Variants in MAGI1 observed in about 807,000 individuals in gnomAD.
MAGI1 encodes membrane associated guanylate kinase, WW and PDZ domain containing 1, also known as membrane-associated guanylate kinase, WW and PDZ domain-containing protein 1.
A neutral mutation model predicts 139.9 loss-of-function variants in MAGI1; 58 were observed. The ratio of observed to expected loss-of-function variants is 0.41; its 90% CI spans 0.34 to 0.52. The LOEUF (loss-of-function observed/expected upper bound fraction) is 0.52, where lower values mean the gene tolerates loss of function less well. Among genes scored for constraint, MAGI1 ranks in the 20% least tolerant of loss-of-function variants. The pLI is 0.12. For synonymous variants in MAGI1, 812 were observed against 737.9 expected (o/e 1.10, Z -1.63); for missense variants, 1,874 against 1,901.6 (o/e 0.99, Z 0.27).
At chr3:65,785,814 C>T (rs1246745499) in intron 1 of MAGI1, among the ~76,000 whole-genome samples, 1 of 152,312 alleles carries the variant, frequency 6.6e-6, no homozygotes, top group East Asian at 1.9e-4. Flanking sequence ...CCAAACATCA[C>T]AATCATTTCA....
At chr3:65,852,319 C>T (rs1021534) in intron 1 of MAGI1, among the ~76,000 whole-genome samples, 7,221 of 151,802 alleles carry the variant, frequency 0.048, 570 homozygotes, top group African/African-American at 0.16. Flanking sequence ...TTTTGAGCCT[C>T]CCCAGAAAGG....
intron 2 of MAGI1, among the ~76,000 whole-genome samples, chr3:65,613,829 T>C (rs1420620809): frequency 1.3e-5 from 2 of 152,132 alleles, no homozygotes; most frequent in African/African-American, 4.8e-5. Flanking sequence ...TTTTTAAAAC[T>C]TAGCTTGTTT....
chr3:65,665,735 A>T (rs1220560913), intron 1 of MAGI1, among the ~76,000 whole-genome samples: 1 of 152,156 alleles, frequency 6.6e-6, no homozygotes. Context: ...TCACTCTTGG[A>T]ACATTTCCTG....
chr3:65,400,037 T>C (rs1234301531), intron 13 of MAGI1, among the ~76,000 whole-genome samples: 2 of 152,160 alleles, frequency 1.3e-5, no homozygotes, highest in Non-Finnish European at 2.9e-5. Flanking sequence ...GGGTTCGTGC[T>C]AACTCAAGCT....
Position 66,038,799 on chromosome 3 carries a change from G to C in MAGI1, c.-491C>G, listed in dbSNP as rs1239575458. 1.1e-4 allele frequency: 17 copies of C among 156,762 alleles called. No individual in the cohort carries two copies. Among genetic ancestry groups the C allele is most frequent in the Admixed American group, 1.1e-3 (17 of 15,950 alleles). The allele number at this position is 156,762 out of a possible 1,614,324, so 9.7% of individuals were successfully genotyped here. On this transcript the variant is annotated 5_prime_UTR_variant, in exon 1 of 23. Coordinates refer to ENST00000402939, the MANE Select transcript of MAGI1 (RefSeq NM_001033057.2). ...CGGTGGCGGGGCGGCGGGGAGCAGG[G>C]CGGGAGGTAAGTGCTCGCGGCCCCT...
At chr3:65,890,610 A>T (rs1414906232) in intron 1 of MAGI1, among the ~76,000 whole-genome samples, 1 of 152,200 alleles carries the variant, frequency 6.6e-6, no homozygotes, top group Non-Finnish European at 1.5e-5. Context: ...ATCCAACGCA[A>T]ACACTTCTTT....
chr3:65,638,900 C>A (rs570348822), intron 1 of MAGI1, among the ~76,000 whole-genome samples: 2 of 152,004 alleles, frequency 1.3e-5, no homozygotes, highest in Non-Finnish European at 2.9e-5. Context: ...AGCCACCAGG[C>A]GTGGCCGTGG....
intron 1 of MAGI1, among the ~76,000 whole-genome samples, chr3:65,993,021 G>A (rs546569502): frequency 6.6e-6 from 1 of 151,840 alleles, no homozygotes; most frequent in Non-Finnish European, 1.5e-5. Context: ...AGTAGAGGCA[G>A]GGTCTCACTA....
At chr3:65,976,394 CGGA>C in intron 1 of MAGI1, among the ~76,000 whole-genome samples, 1 of 152,006 alleles carries the variant, frequency 6.6e-6, no homozygotes. Flanking sequence ...TGTGGGGAGA[CGGA>C]GGAGGGTGGA....
chr3:65,382,220 T>C (rs1246994142), intron 15 of MAGI1, 151 bp from the exon 16 acceptor site: 1 of 584,562 alleles, frequency 1.7e-6, no homozygotes, highest in Non-Finnish European at 2.9e-6. Context: ...CAAGACATTG[T>C]GCTAAGCACT....
chr3:65,647,956 G>C (rs2085355273), intron 1 of MAGI1, among the ~76,000 whole-genome samples: 1 of 152,116 alleles, frequency 6.6e-6, no homozygotes, highest in Non-Finnish European at 1.5e-5. Context: ...TGGCAAAAAA[G>C]AGCCAGAAAA....
At chr3:65,736,897 C>T (rs1425360805) in intron 1 of MAGI1, among the ~76,000 whole-genome samples, 1 of 152,184 alleles carries the variant, frequency 6.6e-6, no homozygotes, top group Non-Finnish European at 1.5e-5. Context: ...CAAAATTAAC[C>T]ATCTCACTAT....
intron 1 of MAGI1, among the ~76,000 whole-genome samples, chr3:65,978,621 C>CTTTTTTTTTTTTTTTTTTTTTTTTTTTTT (rs373662388): frequency 7.7e-6 from 1 of 129,172 alleles, no homozygotes; most frequent in Non-Finnish European, 1.6e-5. Flanking sequence ...CTCAAAATTT[C>CTTTTTTTTTTTTTTTTTTTTTTTTTTTTT]TTTTTTTTTT....
chr3:65,703,972 GT>G (rs1368323677), intron 1 of MAGI1, among the ~76,000 whole-genome samples: 4 of 152,130 alleles, frequency 2.6e-5, no homozygotes, highest in Non-Finnish European at 4.4e-5. Flanking sequence ...AATTCAGTGA[GT>G]TTTTTTGGGA....
At position 65,966,304 on chromosome 3, in the gene MAGI1, C is replaced by T. The variant is rs80126761; in HGVS notation, c.313+71692G>A. On this transcript the variant is annotated intron_variant, in intron 1 of 22. Coordinates refer to ENST00000402939, the MANE Select transcript of MAGI1 (RefSeq NM_001033057.2). ...TACTAATGGAAGGGACAGTATTTTA[C>T]CAAACTACAAAAAACAGCAAGGTGT... Among the ~76,000 whole-genome samples the T allele has an allele frequency of 1.4e-3, 206 of 152,186 alleles. 5 individuals carry two copies. The East Asian group carries it at 0.036, about 27-fold the overall frequency.
At chr3:65,398,106 T>A (rs993118468) in intron 13 of MAGI1, among the ~76,000 whole-genome samples, 11 of 152,186 alleles carry the variant, frequency 7.2e-5, no homozygotes, top group African/African-American at 2.2e-4. Flanking sequence ...TTATAGTATT[T>A]CCAGTGCTTC....
intron 2 of MAGI1, among the ~76,000 whole-genome samples, chr3:65,546,014 A>G (rs1917529): frequency 6.6e-6 from 1 of 151,240 alleles, no homozygotes; most frequent in African/African-American, 2.4e-5. Context: ...ACACACACAC[A>G]CTCTCAAACT....
intron 1 of MAGI1, among the ~76,000 whole-genome samples, chr3:65,846,579 C>T (rs562160772): frequency 6.6e-6 from 1 of 152,154 alleles, no homozygotes; most frequent in African/African-American, 2.4e-5. Context: ...TAGCAACTGC[C>T]TCAAAGTACC....
intron 2 of MAGI1, among the ~76,000 whole-genome samples, chr3:65,531,302 C>A (rs2078701996): frequency 1.3e-5 from 2 of 152,110 alleles, no homozygotes; most frequent in Non-Finnish European, 2.9e-5. Flanking sequence ...TATCATCCAA[C>A]TGCCTACATG....
Sources: allele counts gnomAD v4.1 joint callset (sites outside exome capture counted in the v4.1 genomes callset), GRCh38; gene constraint gnomAD v4.1.1; transcripts MANE v1.5; gene names NCBI Gene and HGNC (gene_info 2026-07-23, HGNC 2026-07-21).